TBC1D16: variants seen among roughly 807,000 people sequenced by gnomAD.
The protein encoded by TBC1D16 is CTD-2529O21.1.
A neutral mutation model predicts 74.7 loss-of-function variants in TBC1D16; 58 were observed. That is an observed-to-expected ratio of 0.78 (90% confidence interval 0.63 to 0.97). The LOEUF (loss-of-function observed/expected upper bound fraction) is 0.97. TBC1D16 is among the 50% of genes least tolerant of loss of function. The pLI is 0.00. For synonymous variants in TBC1D16, 493 were observed against 474.7 expected (o/e 1.04, Z -0.50); for missense variants, 1,014 against 1,079.5 (o/e 0.94, Z 0.85).
intron 4 of TBC1D16, 60 bp downstream of exon 4, chr17:79,952,597 G>C: frequency 5.9e-6 from 9 of 1,537,686 alleles, no homozygotes; most frequent in Non-Finnish European, 7.9e-6. Context: ...GCAAAGCCCA[G>C]GCTGCCAGGG....
chr17:79,978,678 T>TA (rs1232962633), intron 3 of TBC1D16, among the ~76,000 whole-genome samples: 2 of 152,232 alleles, frequency 1.3e-5, no homozygotes, highest in Admixed American at 6.5e-5. Context: ...TGTGACGACT[T>TA]AGACTCAGGA....
In TBC1D16 at chr17:80,001,120, T is replaced by C. The variant is rs1025397480; in HGVS notation, c.779+9040A>G. ...GGGCGAGGCTATGTCCTGTGGCCATTTCTAGACTGACTATGGCCACATGCC... is the reference window on the plus strand; with the variant it reads ...GGGCGAGGCTATGTCCTGTGGCCATCTCTAGACTGACTATGGCCACATGCC... On this transcript the variant is annotated intron_variant, in intron 3 of 11. Coordinates refer to ENST00000310924, the MANE Select transcript of TBC1D16 (RefSeq NM_019020.4). The surrounding 1 kb of genome is among the most constrained non-coding windows in gnomAD (Gnocchi z 5.8). 8.5e-5 allele frequency among the ~76,000 whole-genome samples: 13 copies of C among 152,298 alleles called. No homozygotes were observed. Among genetic ancestry groups the C allele is most frequent in the Admixed American group, 6.5e-4 (10 of 15,296 alleles).
intron 3 of TBC1D16, among the ~76,000 whole-genome samples, chr17:79,966,043 G>A (rs1204347421): frequency 6.6e-6 from 1 of 152,202 alleles, no homozygotes; most frequent in African/African-American, 2.4e-5. Flanking sequence ...CTGAAGCCAA[G>A]GTGCCAGCAG....
rs1003195224 is a variant in TBC1D16, at chr17:80,013,525, C to T, written c.23G>A (p.Arg8His). 1.5e-5 allele frequency: 23 copies of T among 1,545,720 alleles called. No homozygotes were observed. The African/African-American group carries it at 2.2e-4, about 15-fold the overall frequency. MSLGRLL[R>H]RASSKASDLL... is the part of the protein sequence containing the mutation. ...GTCCGAGGCTTTGGAGGAGGCCCTG[C>T]GAAGGAGGCGGCCCAGAGACATTGC... The change falls in exon 2 of 12, where the codon CGC (arginine) becomes CAC (histidine). Residue 8 changes from arginine to histidine, a missense_variant. By Grantham distance (29) the Arg-to-His change is conservative. Transcript: ENST00000310924.
In TBC1D16 at chr17:79,944,583, A is replaced by T. The variant is rs1443010771; in HGVS notation, c.1908+325T>A. 6.6e-6 allele frequency among the ~76,000 whole-genome samples: 1 copy of T among 152,146 alleles called. No individual in the cohort carries two copies. The highest frequency in any genetic ancestry group is 1.5e-5 in the Non-Finnish European group (1 of 68,010). ...GCGGTGCTGGCTCACGCTCGTGGGCACCAGCGTCCTGGGCTGCTGTGGCCT... is the reference window on the plus strand; with the variant it reads ...GCGGTGCTGGCTCACGCTCGTGGGCTCCAGCGTCCTGGGCTGCTGTGGCCT... On this transcript the variant is annotated intron_variant, in intron 10 of 11. Transcript: ENST00000310924. This position sits in a 1 kb window ranked among gnomAD's most constrained non-coding sequence, Gnocchi z 7.7.
At chr17:79,995,314 G>T (rs1042295773) in intron 3 of TBC1D16, among the ~76,000 whole-genome samples, 19 of 151,540 alleles carry the variant, frequency 1.3e-4, no homozygotes, top group Admixed American at 2.6e-4. Flanking sequence ...AAAAAAAATT[G>T]TACCTATAAG....
At chr17:79,943,681 T>C (rs2032244680) in intron 10 of TBC1D16, among the ~76,000 whole-genome samples, 1 of 149,828 alleles carries the variant, frequency 6.7e-6, no homozygotes, top group Non-Finnish European at 1.5e-5. Flanking sequence ...TCCAACACAA[T>C]GGCAGCCAAC....
At chr17:80,029,744 C>T (rs1011653460) in intron 1 of TBC1D16, among the ~76,000 whole-genome samples, 3 of 152,176 alleles carry the variant, frequency 2.0e-5, no homozygotes, top group East Asian at 3.9e-4. Flanking sequence ...GAGCTTCCTA[C>T]GGCTGCTGTG....
In TBC1D16 at chr17:79,950,216, T is replaced by G. The variant is rs900680222; in HGVS notation, c.1257+195A>C. Among the ~76,000 whole-genome samples, 17 of 152,194 alleles carry G rather than the reference T, an allele frequency of 1.1e-4. No individual in the cohort carries two copies. Among genetic ancestry groups the G allele is most frequent in the East Asian group, 1.9e-4 (1 of 5,180 alleles). Reference sequence around the variant, plus strand: ...CGAGGGAGGTGTTGTGTTTTGTTTTTTTTTTTCAACGCAGCAGCTTTGATT... The same window carrying G: ...CGAGGGAGGTGTTGTGTTTTGTTTTGTTTTTTCAACGCAGCAGCTTTGATT... On this transcript the variant is annotated intron_variant, in intron 6 of 11. Coordinates refer to ENST00000310924, the MANE Select transcript of TBC1D16 (RefSeq NM_019020.4). This position sits in a 1 kb window ranked among gnomAD's most constrained non-coding sequence, Gnocchi z 4.6.
At position 79,957,077 on chromosome 17, in the gene TBC1D16, G is replaced by C. The variant is rs531592856; in HGVS notation, c.780-4259C>G. 2.0e-5 allele frequency among the ~76,000 whole-genome samples: 3 copies of C among 152,300 alleles called. No individual in the cohort carries two copies. The South Asian group carries it at 6.2e-4, about 32-fold the overall frequency. ...CTGCCAAAGCGAGTCTCTGTGTTCT[G>C]TCTGGTTTCTGGAAACCTTGCCCTG... On this transcript the variant is annotated intron_variant, in intron 3 of 11. Transcript: ENST00000310924.
chr17:79,987,815 G>A lies in TBC1D16; in HGVS notation c.779+22345C>T, dbSNP rs763118138. ...GGGGCTCCTACAAACAGCGGCTTAC[G>A]GGCTGGTGAGGAATTTCCCATCCTG... On this transcript the variant is annotated intron_variant, in intron 3 of 11. Transcript: ENST00000310924. The surrounding 1 kb of genome is among the most constrained non-coding windows in gnomAD (Gnocchi z 5.2). Among the ~76,000 whole-genome samples the A allele has an allele frequency of 5.3e-5, 8 of 151,802 alleles. No individual in the cohort carries two copies. Among genetic ancestry groups the A allele is most frequent in the Admixed American group, 3.3e-4 (5 of 15,220 alleles).
In TBC1D16 at chr17:80,035,034, G is replaced by C. The variant is rs1176729426; in HGVS notation, c.-63+761C>G. Among the ~76,000 whole-genome samples the C allele has an allele frequency of 6.6e-6, 1 of 152,160 alleles. No individual in the cohort carries two copies. Among genetic ancestry groups the C allele is most frequent in the Non-Finnish European group, 1.5e-5 (1 of 68,018 alleles). On this transcript the variant is annotated intron_variant, in intron 1 of 11. Transcript: ENST00000310924. The surrounding 1 kb of genome is among the most constrained non-coding windows in gnomAD (Gnocchi z 5.3). ...TTACCATAAGGCGAGACTAACTTTT[G>C]TTATGTCTTTTCTATTCATTTCCTA... is the stretch of plus-strand genomic sequence containing the variant.
chr17:79,945,370 G>A (rs1443722403), intron 9 of TBC1D16, among the ~76,000 whole-genome samples: 1 of 152,184 alleles, frequency 6.6e-6, no homozygotes, highest in African/African-American at 2.4e-5. Flanking sequence ...CAGGACGCTG[G>A]CAGCCGCTCC....
Position 80,000,797 on chromosome 17 carries a change from C to T in TBC1D16, c.779+9363G>A, listed in dbSNP as rs1393247136. On this transcript the variant is annotated intron_variant, in intron 3 of 11. Transcript: ENST00000310924. The surrounding 1 kb of genome is among the most constrained non-coding windows in gnomAD (Gnocchi z 4.1). ...ACTGAGGTACAGAGTGGTTCAACAC[C>T]GTCCAAGGCCACCCCCTGCGGGTCT... Among the ~76,000 whole-genome samples the T allele has an allele frequency of 2.6e-5, 4 of 152,212 alleles. No homozygotes were observed. Among genetic ancestry groups the T allele is most frequent in the Admixed American group, 1.3e-4 (2 of 15,284 alleles).
chr17:80,005,696 A>ACTGGGGC lies in TBC1D16; in HGVS notation c.779+4457_779+4463dup, dbSNP rs1162257542. 3.3e-5 allele frequency among the ~76,000 whole-genome samples: 5 copies of ACTGGGGC among 152,250 alleles called. No homozygotes were observed. The East Asian group carries it at 7.7e-4, about 24-fold the overall frequency. Reference sequence around the variant, plus strand: ...TCAAGGATTTCCAGGCCGTCGCTGGACTGGGGCCTGGGGCCTGGGGCTTCC... The same window carrying ACTGGGGC: ...TCAAGGATTTCCAGGCCGTCGCTGGACTGGGGCCTGGGGCCTGGGGCCTGGGGCTTCC... On this transcript the variant is annotated intron_variant, in intron 3 of 11. Transcript: ENST00000310924.
chr17:79,958,738 A>C (rs1410591015), intron 3 of TBC1D16, among the ~76,000 whole-genome samples: 2 of 152,184 alleles, frequency 1.3e-5, no homozygotes, highest in Non-Finnish European at 2.9e-5. Context: ...AATGGAAGAG[A>C]AGCTCCTCAA....
In TBC1D16 at chr17:79,944,876, A is replaced by C. The variant is rs1598318153; in HGVS notation, c.1908+32T>G. 3 of 1,529,608 alleles carry C rather than the reference A, an allele frequency of 2.0e-6. No homozygotes were observed. The highest frequency in any genetic ancestry group is 2.6e-6 in the Non-Finnish European group (3 of 1,136,882). 94.8% of individuals were successfully genotyped at this position (1,529,608 alleles called of 1,614,324 possible). A position where few individuals can be genotyped will look rare whatever the true frequency, so the allele number is the denominator to read the frequency against. ...CGGTGGTTCAGGGGCCATGGTCCCA[A>C]CCTCCCCAGCCCTGGCCCCTGCCCT... On this transcript the variant is annotated intron_variant, in intron 10 of 11. Transcript: ENST00000310924. This position sits in a 1 kb window ranked among gnomAD's most constrained non-coding sequence, Gnocchi z 7.7.
In TBC1D16 at chr17:79,948,980, C is replaced by G. The variant is rs1568576704; in HGVS notation, c.1433G>C (p.Arg478Thr). Residue 478 changes from arginine to threonine, a missense_variant, in exon 8 of 12, where the codon AGA (arginine) becomes ACA (threonine). Physicochemically the swap from Arg to Thr is moderately conservative, Grantham distance 71. Coordinates refer to ENST00000310924, the MANE Select transcript of TBC1D16 (RefSeq NM_019020.4). ...GAACTGCACATTACGCCAGAACGCT[C>G]TGTGCTCCTCGGGAGTCATGGAGAG... ...KRLSMTPEEHRAFWRNVQFTV... is the reference protein window; with the variant it reads ...KRLSMTPEEHTAFWRNVQFTV... 7.4e-6 allele frequency: 12 copies of G among 1,614,182 alleles called. No individual in the cohort carries two copies. The highest frequency in any genetic ancestry group is 1.0e-5 in the Non-Finnish European group (12 of 1,180,026).
chr17:79,977,229 AGAAGG>A (rs2034367951), intron 3 of TBC1D16, among the ~76,000 whole-genome samples: 1 of 152,166 alleles, frequency 6.6e-6, no homozygotes, highest in Non-Finnish European at 1.5e-5. Flanking sequence ...GTAAGCGAAG[AGAAGG>A]GAAGATGCAT....
Sources: allele counts gnomAD v4.1 joint callset (sites outside exome capture counted in the v4.1 genomes callset), GRCh38; gene constraint gnomAD v4.1.1; non-coding constraint Gnocchi (gnomAD v3.1); transcripts MANE v1.5; gene names NCBI Gene and HGNC (gene_info 2026-07-23, HGNC 2026-07-21).